The following RBMS3 variants were observed in gnomAD, a reference collection of about 807,000 sequenced individuals.
RBMS3 encodes RNA-binding motif, single-stranded-interacting protein 3.
RBMS3 carries 27 observed loss-of-function variants against 66.8 expected under a neutral mutation model. The observed-to-expected ratio is 0.40, with a 90% CI of 0.30 to 0.56. The LOEUF is 0.56. RBMS3 is among the 20% of genes least tolerant of loss of function. RBMS3 has a pLI of 0.40. For synonymous variants in RBMS3, 188 were observed against 183.0 expected, an observed-to-expected ratio of 1.03 and a Z score of -0.22; for missense variants, 513 against 549.5, an observed-to-expected ratio of 0.93 and a Z score of 0.66.
At chr3:29,339,319 C>T (rs1317460089) in intron 1 of RBMS3, among the ~76,000 whole-genome samples, 2 of 152,152 alleles carry the variant, frequency 1.3e-5, no homozygotes, top group Non-Finnish European at 2.9e-5. Flanking sequence ...GGGGCGGGAG[C>T]ATTAAAGTGT....
At chr3:29,770,524 G>A (rs1044683298) in intron 6 of RBMS3, among the ~76,000 whole-genome samples, 1 of 151,834 alleles carries the variant, frequency 6.6e-6, no homozygotes, top group Non-Finnish European at 1.5e-5. Context: ...GTAATTTCAT[G>A]GGATAGAGAA....
chr3:29,792,096 C>A (rs2057030653), intron 6 of RBMS3, among the ~76,000 whole-genome samples: 1 of 152,032 alleles, frequency 6.6e-6, no homozygotes, highest in Admixed American at 6.6e-5. Context: ...GTGCCTGGGA[C>A]CAGAATTCAT....
chr3:29,435,346 T>A (rs1362597881), intron 2 of RBMS3, among the ~76,000 whole-genome samples: 1 of 152,182 alleles, frequency 6.6e-6, no homozygotes, highest in Non-Finnish European at 1.5e-5. Context: ...TTCTGGCCAG[T>A]GCTTGGTAAA....
intron 4 of RBMS3, among the ~76,000 whole-genome samples, chr3:29,648,227 T>C (rs1236191905): frequency 6.6e-6 from 1 of 150,522 alleles, no homozygotes; most frequent in Non-Finnish European, 1.5e-5. Context: ...TTTTCATTAA[T>C]CTCTTGTTCT....
chr3:29,508,835 A>C (rs965114644), intron 3 of RBMS3, among the ~76,000 whole-genome samples: 3 of 143,178 alleles, frequency 2.1e-5, no homozygotes, highest in African/African-American at 7.8e-5. Flanking sequence ...AACCGTTCCT[A>C]TTTCTCCACA....
chr3:29,375,471 A>G (rs1343627731), intron 1 of RBMS3, among the ~76,000 whole-genome samples: 1 of 152,236 alleles, frequency 6.6e-6, no homozygotes, highest in Non-Finnish European at 1.5e-5. Context: ...AAGCTCTGTT[A>G]TCCAGCATCT....
intron 3 of RBMS3, among the ~76,000 whole-genome samples, chr3:29,576,341 G>A (rs1427866147): frequency 6.6e-6 from 1 of 152,116 alleles, no homozygotes; most frequent in East Asian, 1.9e-4. Context: ...TTTGCGCTGA[G>A]TCACCTGAAA....
intron 5 of RBMS3, among the ~76,000 whole-genome samples, chr3:29,746,771 A>T (rs1353921453): frequency 1.3e-5 from 2 of 151,000 alleles, no homozygotes; most frequent in Admixed American, 1.4e-4. Context: ...TGTTATTCTG[A>T]AGTCTCCGAG....
At chr3:29,640,687 A>C (rs569329994) in intron 4 of RBMS3, among the ~76,000 whole-genome samples, 1 of 151,770 alleles carries the variant, frequency 6.6e-6, no homozygotes, top group African/African-American at 2.4e-5. Flanking sequence ...TCTTTCTGCT[A>C]TCAATCATAT....
At chr3:29,441,787 T>C (rs2041630968) in intron 2 of RBMS3, among the ~76,000 whole-genome samples, 1 of 152,158 alleles carries the variant, frequency 6.6e-6, no homozygotes. Flanking sequence ...GTAGCAAAGA[T>C]TGAGAACTTT....
chr3:29,917,142 C>T (rs1272673992), intron 10 of RBMS3, among the ~76,000 whole-genome samples: 1 of 151,870 alleles, frequency 6.6e-6, no homozygotes, highest in African/African-American at 2.4e-5. Context: ...CAAAACCAAA[C>T]CAAAAAAAGA....
intron 8 of RBMS3, among the ~76,000 whole-genome samples, chr3:29,896,553 TA>T (rs1354246091): frequency 6.6e-6 from 1 of 151,586 alleles, no homozygotes; most frequent in East Asian, 1.9e-4. Context: ...CAGTAAGACA[TA>T]GGGGAAACAC....
At chr3:29,415,582 G>T (rs1183429986) in intron 1 of RBMS3, among the ~76,000 whole-genome samples, 1 of 152,118 alleles carries the variant, frequency 6.6e-6, no homozygotes, top group African/African-American at 2.4e-5. Context: ...AAGGCTGCAT[G>T]TGGGATAGAT....
At chr3:29,338,623 TTACTGGTC>T (rs539395867) in intron 1 of RBMS3, among the ~76,000 whole-genome samples, 1 of 151,944 alleles carries the variant, frequency 6.6e-6, no homozygotes, top group Non-Finnish European at 1.5e-5. Context: ...AATGTGTGAG[TTACTGGTC>T]TACTGGTCTA....
intron 1 of RBMS3, among the ~76,000 whole-genome samples, chr3:29,288,835 G>T (rs898055857): frequency 1.3e-5 from 2 of 151,886 alleles, no homozygotes; most frequent in Non-Finnish European, 2.9e-5. Context: ...GAATACTGTG[G>T]TTACCTCAGC....
chr3:29,323,558 A>C (rs914200691), intron 1 of RBMS3, among the ~76,000 whole-genome samples: 1 of 152,020 alleles, frequency 6.6e-6, no homozygotes, highest in African/African-American at 2.4e-5. Context: ...ACACATAGTA[A>C]AATTAACAGT....
intron 4 of RBMS3, among the ~76,000 whole-genome samples, chr3:29,680,176 G>T (rs1340874765): frequency 6.6e-6 from 1 of 152,108 alleles, no homozygotes; most frequent in Non-Finnish European, 1.5e-5. Context: ...ATCAGCCACG[G>T]TTTGCCAAGT....
intron 6 of RBMS3, among the ~76,000 whole-genome samples, chr3:29,785,294 A>T (rs954674245): frequency 2.6e-5 from 4 of 152,166 alleles, no homozygotes; most frequent in Admixed American, 6.5e-5. Context: ...TGAATCCAAC[A>T]GCTTATCAAA....
At chr3:29,667,743 C>T (rs994126685) in intron 4 of RBMS3, among the ~76,000 whole-genome samples, 3 of 152,014 alleles carry the variant, frequency 2.0e-5, no homozygotes, top group African/African-American at 7.2e-5. Context: ...CTTTCTCTGG[C>T]TTTTGTTTTA....
Sources: gnomAD v4.1 joint callset for allele counts (sites outside exome capture counted in the v4.1 genomes callset) on GRCh38, gnomAD v4.1.1 for gene constraint, MANE v1.5 for transcripts, NCBI Gene and HGNC (gene_info 2026-07-23, HGNC 2026-07-21) for gene names.